CCDC3: variants seen among roughly 807,000 people sequenced by gnomAD.
CCDC3 encodes the protein coiled-coil domain containing 3, also known as coiled-coil domain-containing protein 3.
Under a neutral mutation model 21.4 loss-of-function variants are expected in CCDC3, and 24 were observed. The observed-to-expected ratio is 1.12, with a 90% CI of 0.81 to 1.58. The LOEUF (loss-of-function observed/expected upper bound fraction) is 1.58. Among genes scored for constraint, CCDC3 ranks in the 40% most tolerant of loss-of-function variants. The pLI, the probability that CCDC3 is intolerant of heterozygous loss-of-function variation, is 0.00. For synonymous variants in CCDC3, 186 were observed against 166.0 expected, an observed-to-expected ratio of 1.12 and a Z score of -0.93; for missense variants, 425 against 360.9, an observed-to-expected ratio of 1.18 and a Z score of -1.44.
intron 2 of CCDC3, among the ~76,000 whole-genome samples, chr10:12,928,477 C>T (rs1188671738): frequency 6.6e-6 from 1 of 152,170 alleles, no homozygotes; most frequent in Admixed American, 6.5e-5. Flanking sequence ...AGAAGTGAAC[C>T]AATACCAGCT....
At chr10:12,981,547 G>A (rs907216973) in intron 2 of CCDC3, among the ~76,000 whole-genome samples, 2 of 152,006 alleles carry the variant, frequency 1.3e-5, no homozygotes, top group Admixed American at 1.3e-4. Flanking sequence ...GAGGCTTGGG[G>A]GATTGAAAAA....
chr10:12,975,705 T>C (rs1033636850), intron 2 of CCDC3, among the ~76,000 whole-genome samples: 6 of 152,310 alleles, frequency 3.9e-5, no homozygotes, highest in East Asian at 1.9e-4. Context: ...GAGGTAGCCC[T>C]GGCACTTGAA....
At chr10:12,930,647 G>C (rs1226496918) in intron 2 of CCDC3, among the ~76,000 whole-genome samples, 1 of 152,136 alleles carries the variant, frequency 6.6e-6, no homozygotes, top group Non-Finnish European at 1.5e-5. Context: ...CATTGCCCTG[G>C]GGACAGTTGG....
intron 2 of CCDC3, among the ~76,000 whole-genome samples, chr10:12,996,342 G>C (rs1835761487): frequency 6.6e-6 from 1 of 152,120 alleles, no homozygotes; most frequent in South Asian, 2.1e-4. Flanking sequence ...ATGTATGTTT[G>C]TTTGTTTCTT....
intron 2 of CCDC3, among the ~76,000 whole-genome samples, chr10:12,945,101 GA>G (rs976073152): frequency 4.3e-4 from 65 of 152,078 alleles, no homozygotes; most frequent in African/African-American, 1.5e-3. Flanking sequence ...GTGTCACAAT[GA>G]AAAAAATTAT....
At chr10:13,090,337 C>T (rs1175676461) in intron 3 of CCDC3, among the ~76,000 whole-genome samples, 1 of 152,118 alleles carries the variant, frequency 6.6e-6, no homozygotes, top group Non-Finnish European at 1.5e-5. Flanking sequence ...ATCCACCTGC[C>T]TTGGCCTCCC....
At chr10:13,070,258 G>T (rs947892080) in intron 4 of CCDC3, among the ~76,000 whole-genome samples, 1 of 152,134 alleles carries the variant, frequency 6.6e-6, no homozygotes, top group African/African-American at 2.4e-5. Flanking sequence ...CTCTCTGCCT[G>T]GCTTCTCCAG....
chr10:12,965,216 C>A (rs1008234777), intron 2 of CCDC3, among the ~76,000 whole-genome samples: 3 of 152,124 alleles, frequency 2.0e-5, no homozygotes, highest in Non-Finnish European at 4.4e-5. Context: ...GGGTATATAA[C>A]CTTCTAAATC....
intron 5 of CCDC3, among the ~76,000 whole-genome samples, chr10:13,035,709 G>C (rs775187207): frequency 6.6e-6 from 1 of 152,126 alleles, no homozygotes; most frequent in Non-Finnish European, 1.5e-5. Context: ...TGCAACCCAG[G>C]GCTACTTGAC....
At chr10:13,098,709 G>GTTTTTTTTTTTT (rs1564348313) in intron 2 of CCDC3, 2 of 59,500 alleles carry the variant, frequency 3.4e-5, no homozygotes, top group African/African-American at 1.4e-4. Context: ...TTCCTGCACT[G>GTTTTTTTTTTTT]ATTTTTTTTT....
At chr10:12,901,111 G>A (rs35954730) in intron 2 of CCDC3, among the ~76,000 whole-genome samples, 33,035 of 151,874 alleles carry the variant, frequency 0.22, 4,191 homozygotes, top group Non-Finnish European at 0.29. Flanking sequence ...TCTGAAGGGC[G>A]GTCCCCATTG....
chr10:12,930,709 G>C (rs187590198), intron 2 of CCDC3, among the ~76,000 whole-genome samples: 1 of 152,082 alleles, frequency 6.6e-6, no homozygotes, highest in Non-Finnish European at 1.5e-5. Context: ...TATGCTCCTG[G>C]GTCAGTGGGC....
At chr10:12,963,948 C>A (rs1359306067) in intron 2 of CCDC3, among the ~76,000 whole-genome samples, 1 of 152,176 alleles carries the variant, frequency 6.6e-6, no homozygotes, top group African/African-American at 2.4e-5. Context: ...CGGGATGTCC[C>A]AGGAGGCGAG....
intron 1 of CCDC3, among the ~76,000 whole-genome samples, chr10:13,000,146 G>A (rs1835824291): frequency 6.6e-6 from 1 of 152,176 alleles, no homozygotes; most frequent in African/African-American, 2.4e-5. Context: ...AATATCCTCA[G>A]TGCTACTTCC....
intron 3 of CCDC3, among the ~76,000 whole-genome samples, chr10:13,078,017 A>T (rs192935627): frequency 2.7e-3 from 411 of 152,348 alleles, no homozygotes; most frequent in African/African-American, 9.5e-3. Context: ...ATGGGATCTA[A>T]TTAAACTAAA....
intron 2 of CCDC3, among the ~76,000 whole-genome samples, chr10:12,924,306 G>C (rs1293334806): frequency 1.3e-5 from 2 of 152,194 alleles, no homozygotes; most frequent in Admixed American, 6.5e-5. Flanking sequence ...TGAAGACATG[G>C]AGGGCATTGC....
At chr10:12,912,826 T>C (rs1385586291) in intron 2 of CCDC3, among the ~76,000 whole-genome samples, 2 of 152,320 alleles carry the variant, frequency 1.3e-5, no homozygotes, top group Non-Finnish European at 1.5e-5. Flanking sequence ...TCTCTGCACG[T>C]AGATACTCAA....
chr10:12,902,405 T>C (rs756207763), intron 2 of CCDC3, among the ~76,000 whole-genome samples: 1 of 152,190 alleles, frequency 6.6e-6, no homozygotes, highest in Non-Finnish European at 1.5e-5. Flanking sequence ...ATATTAGCTA[T>C]GGAACTTAGG....
intron 2 of CCDC3, among the ~76,000 whole-genome samples, chr10:12,971,451 G>A (rs770901681): frequency 4.6e-5 from 7 of 152,308 alleles, no homozygotes; most frequent in African/African-American, 7.2e-5. Flanking sequence ...ATGCAGAAAA[G>A]AAGGAACCCA....
Sources: gnomAD v4.1 joint callset for allele counts (sites outside exome capture counted in the v4.1 genomes callset) on GRCh38, gnomAD v4.1.1 for gene constraint, MANE v1.5 for transcripts, NCBI Gene and HGNC (gene_info 2026-07-23, HGNC 2026-07-21) for gene names.